The following SUSD1 variants were observed in gnomAD, a reference collection of about 807,000 sequenced individuals.
The protein encoded by SUSD1 is sushi domain-containing protein 1.
A neutral mutation model predicts 86.9 loss-of-function variants in SUSD1; 65 were observed. The ratio of observed to expected loss-of-function variants is 0.75; its 90% confidence interval spans 0.61 to 0.92. SUSD1 has a LOEUF of 0.92. SUSD1 is among the 40% of genes least tolerant of loss of function. SUSD1 has a pLI of 0.00. For synonymous variants in SUSD1, 346 were observed against 350.0 expected (o/e 0.99, Z 0.13); for missense variants, 850 against 929.7 (o/e 0.91, Z 1.11).
chr9:112,058,307 A>G, intron 14 of SUSD1, 121 bp downstream of exon 14: 1 of 1,308,078 alleles, frequency 7.6e-7, no homozygotes, highest in Non-Finnish European at 1.0e-6. Context: ...GTATTCACAA[A>G]CATTTTGTGA....
At chr9:112,146,567 C>G (rs1049286045) in intron 3 of SUSD1, among the ~76,000 whole-genome samples, 1 of 151,888 alleles carries the variant, frequency 6.6e-6, no homozygotes, top group East Asian at 1.9e-4. Context: ...TTTCCTCTTC[C>G]CCTCTTCTTC....
At chr9:112,121,144 T>G (rs1437996411) in intron 6 of SUSD1, among the ~76,000 whole-genome samples, 1 of 152,212 alleles carries the variant, frequency 6.6e-6, no homozygotes, top group Non-Finnish European at 1.5e-5. Context: ...CCCTTGCTCC[T>G]CTGTGCAGGC....
chr9:112,121,100 C>A (rs1337051551), intron 6 of SUSD1, among the ~76,000 whole-genome samples: 1 of 152,166 alleles, frequency 6.6e-6, no homozygotes, highest in Non-Finnish European at 1.5e-5. Flanking sequence ...AAGACTGGAC[C>A]CCCCTAGAGT....
chr9:112,052,372 G>A (rs1469851523), intron 15 of SUSD1, 27 bp downstream of exon 15: 2 of 1,613,706 alleles, frequency 1.2e-6, no homozygotes, highest in African/African-American at 2.7e-5. Flanking sequence ...AATAAGGACA[G>A]CATTCATAGG....
At chr9:112,047,183 G>A (rs1827992455) in intron 15 of SUSD1, among the ~76,000 whole-genome samples, 1 of 152,142 alleles carries the variant, frequency 6.6e-6, no homozygotes, top group Non-Finnish European at 1.5e-5. Context: ...AGGGGAAGCA[G>A]GCACAGTCTT....
In SUSD1 at chr9:112,052,452, C is replaced by T; in HGVS notation, c.2110-14G>A. Reference sequence around the variant, plus strand: ...GTGTCTTCTCACCTATAAAGGAAAACATAGCAATGCATTTAGCTAGGTGGC... The same window carrying T: ...GTGTCTTCTCACCTATAAAGGAAAATATAGCAATGCATTTAGCTAGGTGGC... On this transcript the variant is annotated splice_polypyrimidine_tract_variant and intron_variant, in intron 14 of 16. Transcript: ENST00000374270. 1 of 1,613,978 alleles carries T rather than the reference C, an allele frequency of 6.2e-7. No individual in the cohort carries two copies. Among genetic ancestry groups the T allele is most frequent in the Admixed American group, 1.7e-5 (1 of 60,014 alleles).
At chr9:112,148,355 T>C (rs781951) in intron 3 of SUSD1, among the ~76,000 whole-genome samples, 22,903 of 152,086 alleles carry the variant, frequency 0.15, 2,260 homozygotes, top group East Asian at 0.42. Context: ...GACCAGCCTA[T>C]GCTCAGAGAC....
chr9:112,168,386 C>T lies in SUSD1; in HGVS notation c.103+6747G>A, dbSNP rs145412093. Among the ~76,000 whole-genome samples the T allele has an allele frequency of 9.6e-4, 146 of 152,278 alleles. 1 individual carries two copies. In the East Asian group the frequency reaches 0.026, roughly 27 times the overall value. On this transcript the variant is annotated intron_variant, in intron 1 of 16. Transcript: ENST00000374270. ...TTTACATAATCACTCCCTGTCTTCG[C>T]CACATCCTCCCAGCCTTCTGGGTAA...
intron 8 of SUSD1, among the ~76,000 whole-genome samples, chr9:112,109,110 G>GA (rs1684784432): frequency 6.6e-6 from 1 of 151,868 alleles, no homozygotes; most frequent in South Asian, 2.1e-4. Context: ...ACATTTTTTA[G>GA]AAAAATATAA....
intron 2 of SUSD1, among the ~76,000 whole-genome samples, chr9:112,156,620 A>G (rs1383307630): frequency 6.6e-6 from 1 of 152,146 alleles, no homozygotes; most frequent in Non-Finnish European, 1.5e-5. Flanking sequence ...TATGCTGCCC[A>G]GGCTGGTCTC....
chr9:112,170,266 A>G (rs1230055992), intron 1 of SUSD1, among the ~76,000 whole-genome samples: 1 of 152,126 alleles, frequency 6.6e-6, no homozygotes, highest in East Asian at 1.9e-4. Context: ...CTCACCCTGA[A>G]TAGTGAATGT....
intron 10 of SUSD1, among the ~76,000 whole-genome samples, chr9:112,083,527 C>G (rs753841326): frequency 5.9e-5 from 9 of 152,188 alleles, no homozygotes; most frequent in Non-Finnish European, 1.2e-4. Flanking sequence ...CGCCCCCAGC[C>G]ACCACAATTA....
At chr9:112,073,295 T>C (rs1829365545) in intron 12 of SUSD1, among the ~76,000 whole-genome samples, 1 of 152,238 alleles carries the variant, frequency 6.6e-6, no homozygotes, top group Admixed American at 6.5e-5. Flanking sequence ...CCAGCCTTGG[T>C]ACTGAAGACA....
At chr9:112,125,267 A>C (rs1831723816) in intron 5 of SUSD1, among the ~76,000 whole-genome samples, 1 of 152,208 alleles carries the variant, frequency 6.6e-6, no homozygotes, top group Non-Finnish European at 1.5e-5. Flanking sequence ...ATAATCGTTT[A>C]AATGTGACTG....
chr9:112,041,772 C>A, intron 16 of SUSD1, 95 bp downstream of exon 16: 1 of 1,234,906 alleles, frequency 8.1e-7, no homozygotes, highest in South Asian at 1.4e-5. Flanking sequence ...CACCCACACT[C>A]CCTTTGACTC....
intron 2 of SUSD1, among the ~76,000 whole-genome samples, chr9:112,149,789 A>G (rs1006732192): frequency 2.6e-5 from 4 of 152,174 alleles, no homozygotes; most frequent in Non-Finnish European, 4.4e-5. Context: ...AAGCCAGGGT[A>G]GGGTGACTTT....
chr9:112,058,425 T>C lies in SUSD1; in HGVS notation c.2109+3A>G, dbSNP rs1260692036. Reference sequence around the variant, plus strand: ...GTTCACAAGAGCTTGGAAAGAAAGATACCTTATTCCATTCACTTGTGATTC... The same window carrying C: ...GTTCACAAGAGCTTGGAAAGAAAGACACCTTATTCCATTCACTTGTGATTC... On this transcript the variant is annotated splice_donor_region_variant and intron_variant, in intron 14 of 16. Transcript: ENST00000374270. The C allele has an allele frequency of 6.2e-7, 1 of 1,611,340 alleles. No homozygotes were observed. The highest frequency in any genetic ancestry group is 1.7e-5 in the Admixed American group (1 of 59,794).
intron 10 of SUSD1, among the ~76,000 whole-genome samples, chr9:112,082,519 C>A (rs718834): frequency 0.32 from 48,967 of 151,746 alleles, 8,161 homozygotes; most frequent in African/African-American, 0.38. Flanking sequence ...TTAAATATGG[C>A]GGATGGAGCC....
At chr9:112,065,932 C>T (rs1386287013) in intron 12 of SUSD1, among the ~76,000 whole-genome samples, 1 of 152,232 alleles carries the variant, frequency 6.6e-6, no homozygotes, top group Non-Finnish European at 1.5e-5. Flanking sequence ...ATCACTTGAG[C>T]TACTAGTTGC....
Sources: allele counts gnomAD v4.1 joint callset (sites outside exome capture counted in the v4.1 genomes callset), GRCh38; gene constraint gnomAD v4.1.1; transcripts MANE v1.5; gene names NCBI Gene and HGNC (gene_info 2026-07-23, HGNC 2026-07-21).